The following AUTS2 variants were observed in gnomAD, a reference collection of about 807,000 sequenced individuals.
AUTS2 encodes the protein autism susceptibility gene 2 protein.
A neutral mutation model predicts 112.4 loss-of-function variants in AUTS2; 17 were observed. The observed-to-expected ratio is 0.15, with a 90% confidence interval of 0.10 to 0.23. The LOEUF (loss-of-function observed/expected upper bound fraction) is 0.23, where lower values mean the gene tolerates loss of function less well. AUTS2 is among the 10% of genes least tolerant of loss of function. The pLI, the probability that AUTS2 is intolerant of heterozygous loss-of-function variation, is 1.00. For synonymous variants in AUTS2, 751 were observed against 702.7 expected (o/e 1.07, Z -1.09); for missense variants, 1,510 against 1,701.6 (o/e 0.89, Z 1.98).
At chr7:69,843,642 G>A (rs1198722901) in intron 1 of AUTS2, among the ~76,000 whole-genome samples, 1 of 152,208 alleles carries the variant, frequency 6.6e-6, no homozygotes, top group Non-Finnish European at 1.5e-5. Flanking sequence ...TGACCTGGTT[G>A]TAGAGTACCA....
intron 1 of AUTS2, among the ~76,000 whole-genome samples, chr7:69,881,715 C>G (rs928861147): frequency 6.6e-5 from 10 of 152,160 alleles, no homozygotes; most frequent in South Asian, 2.1e-4. Context: ...TGCCTCCCCC[C>G]ACAGCCCTGT....
At chr7:69,718,971 G>A (rs1283557112) in intron 1 of AUTS2, among the ~76,000 whole-genome samples, 1 of 152,186 alleles carries the variant, frequency 6.6e-6, no homozygotes, top group African/African-American at 2.4e-5. Context: ...CAGTGTTCAA[G>A]GAAGCTAGAG....
chr7:70,538,377 A>C (rs1800409024), intron 5 of AUTS2, among the ~76,000 whole-genome samples: 1 of 151,966 alleles, frequency 6.6e-6, no homozygotes, highest in African/African-American at 2.4e-5. Context: ...AAAATACAAA[A>C]ATTGGTCGGG....
intron 2 of AUTS2, among the ~76,000 whole-genome samples, chr7:69,992,306 T>C (rs1299144247): frequency 6.6e-6 from 1 of 152,240 alleles, no homozygotes; most frequent in Non-Finnish European, 1.5e-5. Flanking sequence ...CTTCTGAATC[T>C]AAAAGCCTTG....
chr7:70,781,974 T>TG, intron 15 of AUTS2: 1 of 578,108 alleles, frequency 1.7e-6, no homozygotes, highest in Non-Finnish European at 2.9e-6. Flanking sequence ...CATCTTTCCC[T>TG]TACAGGGATT....
At chr7:70,729,457 G>T (rs1787236843) in intron 6 of AUTS2, among the ~76,000 whole-genome samples, 1 of 152,140 alleles carries the variant, frequency 6.6e-6, no homozygotes, top group South Asian at 2.1e-4. Context: ...GAATCCCCAG[G>T]GGGGCTTCCA....
intron 4 of AUTS2, among the ~76,000 whole-genome samples, chr7:70,307,629 A>G (rs1481682640): frequency 6.6e-6 from 1 of 152,174 alleles, no homozygotes; most frequent in Non-Finnish European, 1.5e-5. Flanking sequence ...TGGTAGGGAA[A>G]CTGAGAGGCT....
intron 4 of AUTS2, among the ~76,000 whole-genome samples, chr7:70,425,481 C>G (rs1020499739): frequency 1.3e-5 from 2 of 152,132 alleles, no homozygotes; most frequent in Non-Finnish European, 2.9e-5. Context: ...ATTTTCTACT[C>G]CAAGAGGAGA....
At chr7:69,981,220 T>C (rs1798281864) in intron 2 of AUTS2, among the ~76,000 whole-genome samples, 1 of 152,176 alleles carries the variant, frequency 6.6e-6, no homozygotes, top group South Asian at 2.1e-4. Context: ...GGGTGTCTTA[T>C]AGAGATGAGT....
intron 1 of AUTS2, among the ~76,000 whole-genome samples, chr7:69,758,620 AAAAAG>A (rs1301111944): frequency 2.6e-5 from 4 of 152,242 alleles, no homozygotes; most frequent in Non-Finnish European, 4.4e-5. Context: ...TCTAAACTCT[AAAAAG>A]AGTCTAGAAA....
At chr7:70,248,332 C>G (rs1462481079) in intron 4 of AUTS2, among the ~76,000 whole-genome samples, 1 of 152,096 alleles carries the variant, frequency 6.6e-6, no homozygotes, top group Non-Finnish European at 1.5e-5. Flanking sequence ...CCATGTTGGC[C>G]AGATTGGCCT....
At chr7:70,109,555 G>C (rs1219956518) in intron 2 of AUTS2, among the ~76,000 whole-genome samples, 1 of 152,104 alleles carries the variant, frequency 6.6e-6, no homozygotes, top group Non-Finnish European at 1.5e-5. Context: ...CTGATTGGCA[G>C]TTGGTTGAAA....
At chr7:69,774,920 A>C (rs1399158941) in intron 1 of AUTS2, among the ~76,000 whole-genome samples, 1 of 152,214 alleles carries the variant, frequency 6.6e-6, no homozygotes, top group Non-Finnish European at 1.5e-5. Flanking sequence ...AGAATTCTTC[A>C]GAATATTAAT....
chr7:70,488,004 C>T (rs1798082945), intron 5 of AUTS2, among the ~76,000 whole-genome samples: 1 of 152,180 alleles, frequency 6.6e-6, no homozygotes, highest in East Asian at 1.9e-4. Context: ...ACCTGGTGGT[C>T]TGGGCAAATG....
chr7:70,614,070 T>G (rs1374976167), intron 5 of AUTS2, among the ~76,000 whole-genome samples: 3 of 152,190 alleles, frequency 2.0e-5, no homozygotes, highest in Non-Finnish European at 2.9e-5. Context: ...CTTTGTTTCT[T>G]GGAAGAAACC....
intron 2 of AUTS2, among the ~76,000 whole-genome samples, chr7:70,035,200 G>C (rs1222766197): frequency 6.6e-6 from 1 of 152,184 alleles, no homozygotes; most frequent in Non-Finnish European, 1.5e-5. Flanking sequence ...GATGTGAGCT[G>C]CATGTGAATT....
At chr7:70,751,510 C>G (rs905830845) in intron 6 of AUTS2, among the ~76,000 whole-genome samples, 5 of 152,172 alleles carry the variant, frequency 3.3e-5, no homozygotes, top group Non-Finnish European at 5.9e-5. Flanking sequence ...AATAAGCTAA[C>G]ATTTTCCCCA....
chr7:70,535,878 A>G (rs973151509), intron 5 of AUTS2, among the ~76,000 whole-genome samples: 1 of 152,234 alleles, frequency 6.6e-6, no homozygotes, highest in Non-Finnish European at 1.5e-5. Flanking sequence ...GAGAAAATAA[A>G]GAGCTATACT....
At chr7:70,587,264 A>C (rs1473925251) in intron 5 of AUTS2, among the ~76,000 whole-genome samples, 1 of 152,050 alleles carries the variant, frequency 6.6e-6, no homozygotes, top group East Asian at 1.9e-4. Flanking sequence ...TTTTGTAGAG[A>C]TAGGGTCTCA....
Sources: gnomAD v4.1 joint callset for allele counts (sites outside exome capture counted in the v4.1 genomes callset) on GRCh38, gnomAD v4.1.1 for gene constraint, MANE v1.5 for transcripts, NCBI Gene and HGNC (gene_info 2026-07-23, HGNC 2026-07-21) for gene names.